Variants in BPIFA2 observed in about 807,000 individuals in gnomAD.
BPIFA2 encodes BPI fold containing family A member 2.
In BPIFA2, 20 loss-of-function variants were observed where a neutral mutation model predicts 25.7. That is an observed-to-expected ratio of 0.78 (90% CI 0.55 to 1.13). BPIFA2 has a LOEUF of 1.13. BPIFA2 is among the 50% of genes most tolerant of loss of function. BPIFA2 has a pLI of 0.00. For synonymous variants in BPIFA2, 126 were observed against 124.3 expected, an observed-to-expected ratio of 1.01 and a Z score of -0.09; for missense variants, 300 against 298.1, an observed-to-expected ratio of 1.01 and a Z score of -0.05.
intron 2 of BPIFA2, among the ~76,000 whole-genome samples, chr20:33,170,717 G>C (rs952762607): frequency 6.6e-6 from 1 of 152,138 alleles, no homozygotes; most frequent in Non-Finnish European, 1.5e-5. Flanking sequence ...CCATCCCCCT[G>C]TTCTCCAGAG....
At chr20:33,180,368 A>G (rs934477101) in intron 7 of BPIFA2, 152 bp from the exon 8 acceptor site, 21 of 808,214 alleles carry the variant, frequency 2.6e-5, no homozygotes, top group Non-Finnish European at 4.4e-5. Context: ...CACTTTACAG[A>G]TGAACAAACT....
At chr20:33,163,791 T>A (rs752114361), upstream of BPIFA2, among the ~76,000 whole-genome samples, 14 of 108,442 alleles carry the variant, frequency 1.3e-4, no homozygotes, top group Non-Finnish European at 2.1e-4. Flanking sequence ...TTGTTTAAAA[T>A]ATATATATAT....
chr20:33,167,004 C>T (rs1300693405), upstream of BPIFA2, among the ~76,000 whole-genome samples: 3 of 152,216 alleles, frequency 2.0e-5, no homozygotes, highest in Non-Finnish European at 4.4e-5. Flanking sequence ...ACAGGCAAGA[C>T]TGCAGCAGGG....
intron 1 of BPIFA2, among the ~76,000 whole-genome samples, chr20:33,162,945 C>G (rs1267580189): frequency 6.6e-6 from 1 of 152,248 alleles, no homozygotes. Context: ...GTGCCAGGGA[C>G]AGCAGCTCCC....
At chr20:33,168,866 A>G (rs1425005415) in intron 1 of BPIFA2, among the ~76,000 whole-genome samples, 1 of 152,224 alleles carries the variant, frequency 6.6e-6, no homozygotes, top group Admixed American at 6.5e-5. Flanking sequence ...TTAGGCAGAG[A>G]AGACAGCGTA....
At position 33,177,518 on chromosome 20, in the gene BPIFA2, G is replaced by A. The variant is rs375702152; in HGVS notation, c.564-629G>A. On this transcript the variant is annotated intron_variant, in intron 5 of 8. Transcript: ENST00000354932. Reference sequence around the variant, plus strand: ...GGATCTGTGTCCACATCTGTGAAATGACACCACTCTACAGCTCCAAATCCT... The same window carrying A: ...GGATCTGTGTCCACATCTGTGAAATAACACCACTCTACAGCTCCAAATCCT... Among the ~76,000 whole-genome samples the A allele has an allele frequency of 4.7e-4, 71 of 152,296 alleles. No individual in the cohort carries two copies. The East Asian group carries it at 9.5e-3, about 20-fold the overall frequency.
At chr20:33,166,888 A>G (rs1983742098), upstream of BPIFA2, among the ~76,000 whole-genome samples, 1 of 152,240 alleles carries the variant, frequency 6.6e-6, no homozygotes, top group Non-Finnish European at 1.5e-5. Flanking sequence ...ATTTCAGCAC[A>G]GCCCTTGGCT....
intron 3 of BPIFA2, 53 bp downstream of exon 3, chr20:33,173,129 A>C: frequency 1.3e-6 from 2 of 1,572,140 alleles, no homozygotes; most frequent in Middle Eastern, 1.7e-4. Context: ...GGGAAAACAT[A>C]TCTTTGAGGA....
chr20:33,177,380 GCAT>G (rs2146456678), intron 5 of BPIFA2, among the ~76,000 whole-genome samples: 1 of 151,732 alleles, frequency 6.6e-6, no homozygotes, highest in Admixed American at 6.6e-5. Flanking sequence ...AGTGTATTGA[GCAT>G]CTGCTGTGTG....
At chr20:33,174,688 A>T (rs1984014444) in intron 4 of BPIFA2, among the ~76,000 whole-genome samples, 1 of 152,124 alleles carries the variant, frequency 6.6e-6, no homozygotes, top group Non-Finnish European at 1.5e-5. Flanking sequence ...AGGTGGGAGG[A>T]TTGCTTGAGC....
At chr20:33,165,910 T>G (rs1823025331), upstream of BPIFA2, among the ~76,000 whole-genome samples, 1 of 152,144 alleles carries the variant, frequency 6.6e-6, no homozygotes, top group Non-Finnish European at 1.5e-5. Flanking sequence ...CCAGCCAGCC[T>G]GAACCTCGGG....
In BPIFA2 at chr20:33,171,249, GT is replaced by G. The variant is rs541002599; in HGVS notation, c.158-1674del. 4.6e-5 allele frequency among the ~76,000 whole-genome samples: 7 copies of G among 151,442 alleles called. No homozygotes were observed. The South Asian group carries it at 8.4e-4, about 18-fold the overall frequency. Reference sequence around the variant, plus strand: ...TTGGTTCCATATGAAATTTAAAGTAGTTTTTTTTTCTAATTCTGTGAAGAAA... The same window carrying G: ...TTGGTTCCATATGAAATTTAAAGTAGTTTTTTTTCTAATTCTGTGAAGAAA... On this transcript the variant is annotated intron_variant, in intron 2 of 8. Transcript: ENST00000354932.
intron 2 of BPIFA2, among the ~76,000 whole-genome samples, chr20:33,171,561 T>G (rs1310368313): frequency 6.6e-6 from 1 of 152,062 alleles, no homozygotes; most frequent in African/African-American, 2.4e-5. Context: ...AACAACCCTA[T>G]CAGAAAGTGT....
At chr20:33,170,052 C>T (rs1455991171) in intron 2 of BPIFA2, among the ~76,000 whole-genome samples, 2 of 152,158 alleles carry the variant, frequency 1.3e-5, no homozygotes, top group African/African-American at 2.4e-5. Flanking sequence ...CCTTTCAAAC[C>T]TTGTCAAGGG....
intron 7 of BPIFA2, 111 bp from the exon 8 acceptor site, chr20:33,180,409 G>A: frequency 8.6e-7 from 1 of 1,169,412 alleles, no homozygotes; most frequent in Non-Finnish European, 1.3e-6. Context: ...AACATCCCTG[G>A]GGTCCCACAA....
At chr20:33,168,992 C>T (rs954619003) in intron 1 of BPIFA2, 139 bp from the exon 2 acceptor site, 2 of 787,944 alleles carry the variant, frequency 2.5e-6, no homozygotes, top group Admixed American at 5.2e-5. Context: ...GCTTTCTGAC[C>T]TTGGCTGCCC....
chr20:33,164,954 T>C (rs1427597479), upstream of BPIFA2, among the ~76,000 whole-genome samples: 1 of 152,248 alleles, frequency 6.6e-6, no homozygotes, highest in South Asian at 2.1e-4. Context: ...TGTCAGTCCA[T>C]AGGAAGTGGC....
In BPIFA2 at chr20:33,174,196, C is replaced by T; in HGVS notation, c.410+10C>T. 2 of 1,612,482 alleles carry T rather than the reference C, an allele frequency of 1.2e-6. No homozygotes were observed. The highest frequency in any genetic ancestry group is 2.2e-5 in the East Asian group (1 of 44,862). ...ATGTCACTGTGGCCGGGTGAGTATGCACTAGAATCTGAGATTTGGGAAAGG... is the reference window on the plus strand; with the variant it reads ...ATGTCACTGTGGCCGGGTGAGTATGTACTAGAATCTGAGATTTGGGAAAGG... On this transcript the variant is annotated intron_variant, in intron 4 of 8. Transcript: ENST00000354932.
chr20:33,175,297 T>G, intron 4 of BPIFA2, 110 bp from the exon 5 acceptor site: 1 of 1,097,506 alleles, frequency 9.1e-7, no homozygotes, highest in Non-Finnish European at 1.3e-6. Context: ...TGGGCCATGT[T>G]GACATTACAC....
Sources: allele counts gnomAD v4.1 joint callset (sites outside exome capture counted in the v4.1 genomes callset), GRCh38; gene constraint gnomAD v4.1.1; transcripts MANE v1.5; gene names NCBI Gene and HGNC (gene_info 2026-07-23, HGNC 2026-07-21).